Variants in KIAA2012 observed in about 807,000 individuals in gnomAD.
KIAA2012 encodes KIAA2012.
A neutral mutation model predicts 150.6 loss-of-function variants in KIAA2012; 125 were observed. That is an observed-to-expected ratio of 0.83 (90% CI 0.72 to 0.96). The LOEUF (loss-of-function observed/expected upper bound fraction) is 0.96, where lower values mean the gene tolerates loss of function less well. Ranked by LOEUF, KIAA2012 falls within the 40% of genes least tolerant of loss-of-function variation. The pLI, the probability that KIAA2012 is intolerant of heterozygous loss-of-function variation, is 0.00. For missense variants in KIAA2012, 1,219 were observed against 1,354.9 expected (o/e 0.90, Z 1.57); for synonymous variants, 462 against 504.7 (o/e 0.92, Z 1.13).
chr2:202,082,156 T>A (rs1689464626), intron 2 of KIAA2012, among the ~76,000 whole-genome samples: 1 of 152,164 alleles, frequency 6.6e-6, no homozygotes, highest in African/African-American at 2.4e-5. Context: ...TTTGCCCATT[T>A]TTTAAGTGGG....
chr2:202,159,736 G>C, intron 14 of KIAA2012, among the ~76,000 whole-genome samples: 1 of 152,168 alleles, frequency 6.6e-6, no homozygotes, highest in East Asian at 1.9e-4. Flanking sequence ...CAGCTACTCA[G>C]GGGGCTGAGA....
At chr2:202,202,182 T>C (rs1220721859) in intron 22 of KIAA2012, among the ~76,000 whole-genome samples, 3 of 152,196 alleles carry the variant, frequency 2.0e-5, no homozygotes, top group Non-Finnish European at 1.5e-5. Context: ...GAGGGAGTCC[T>C]TTCCAGCAGT....
chr2:202,204,049 G>A (rs896969216), intron 23 of KIAA2012, among the ~76,000 whole-genome samples: 1 of 150,830 alleles, frequency 6.6e-6, no homozygotes, highest in Non-Finnish European at 1.5e-5. Flanking sequence ...GATTACAGGC[G>A]TGAGCCACCG....
chr2:202,197,176 G>A, intron 22 of KIAA2012, 157 bp downstream of exon 22: 2 of 1,142,714 alleles, frequency 1.8e-6, no homozygotes, highest in Non-Finnish European at 2.4e-6. Context: ...TTCTTTTGCT[G>A]CAAATGTCAA....
intron 11 of KIAA2012, among the ~76,000 whole-genome samples, chr2:202,120,320 G>A (rs920209307): frequency 6.6e-6 from 1 of 152,176 alleles, no homozygotes; most frequent in Non-Finnish European, 1.5e-5. Flanking sequence ...AGGCTGCAGT[G>A]AGCCATGATT....
intron 7 of KIAA2012, among the ~76,000 whole-genome samples, chr2:202,102,660 T>C (rs931839089): frequency 6.6e-6 from 1 of 152,194 alleles, no homozygotes. Flanking sequence ...GCTCAGTCTT[T>C]CCAGCTGCAA....
intron 23 of KIAA2012, among the ~76,000 whole-genome samples, chr2:202,204,760 A>G (rs1487211485): frequency 2.3e-4 from 2 of 8,660 alleles, no homozygotes; most frequent in East Asian, 0.021. Context: ...GAAATAAAAC[A>G]GTCAAACACT....
intron 23 of KIAA2012, among the ~76,000 whole-genome samples, chr2:202,202,790 C>T (rs978055872): frequency 2.6e-5 from 4 of 151,898 alleles, no homozygotes; most frequent in Non-Finnish European, 5.9e-5. Context: ...ATTAGCCAGG[C>T]ATGGTGGGGT....
chr2:202,156,540 A>G (rs1574296421), intron 14 of KIAA2012, among the ~76,000 whole-genome samples: 1 of 152,186 alleles, frequency 6.6e-6, no homozygotes, highest in Admixed American at 6.5e-5. Context: ...CAGGTAACAG[A>G]CAACAGACCT....
intron 11 of KIAA2012, among the ~76,000 whole-genome samples, chr2:202,123,267 T>G (rs1690699819): frequency 6.6e-6 from 1 of 152,210 alleles, no homozygotes; most frequent in Non-Finnish European, 1.5e-5. Flanking sequence ...TGACTGTTTT[T>G]TAGCCTCCTT....
intron 15 of KIAA2012, among the ~76,000 whole-genome samples, chr2:202,175,483 T>A (rs1691973749): frequency 6.6e-6 from 1 of 152,230 alleles, no homozygotes; most frequent in African/African-American, 2.4e-5. Flanking sequence ...AGGTTGGGCC[T>A]CTGGGAGGTG....
At chr2:202,091,839 T>C (rs1305591037) in intron 3 of KIAA2012, among the ~76,000 whole-genome samples, 1 of 152,212 alleles carries the variant, frequency 6.6e-6, no homozygotes, top group Non-Finnish European at 1.5e-5. Flanking sequence ...ACTTTCTTCC[T>C]GCTTTATAGG....
rs758081464 is a variant in KIAA2012 at position 202,193,353 on chromosome 2, C to T, written c.2864C>T (p.Ala955Val). 18 of 1,549,814 alleles carry T rather than the reference C, an allele frequency of 1.2e-5. No homozygotes were observed. Among genetic ancestry groups the T allele is most frequent in the Non-Finnish European group, 1.5e-5 (17 of 1,146,786 alleles). Residue 955 changes from alanine to valine, a missense_variant, in exon 20 of 24, where the codon GCA (alanine) becomes GTA (valine). By Grantham distance (64) the Ala-to-Val change is moderately conservative. Coordinates refer to ENST00000498697, the MANE Select transcript of KIAA2012 (RefSeq NM_001277372.4). ...QEKASWDRLR[A>V]ERAEMRWLEV... ...AAGGCTTCCTGGGACAGGCTTCGAGCAGAAAGAGCCGAGATGAGGTGGCTG... is the reference window on the plus strand; with the variant it reads ...AAGGCTTCCTGGGACAGGCTTCGAGTAGAAAGAGCCGAGATGAGGTGGCTG...
intron 12 of KIAA2012, among the ~76,000 whole-genome samples, chr2:202,128,740 T>G (rs1365197250): frequency 3.3e-5 from 5 of 151,158 alleles, no homozygotes; most frequent in East Asian, 1.9e-4. Flanking sequence ...TCAGGTTGAC[T>G]TGGAAACTTA....
intron 14 of KIAA2012, among the ~76,000 whole-genome samples, chr2:202,156,808 C>G (rs532211597): frequency 3.9e-5 from 6 of 152,064 alleles, no homozygotes; most frequent in Non-Finnish European, 7.4e-5. Context: ...TGGCATGAAC[C>G]CGGGAGGTGG....
In KIAA2012 at chr2:202,184,254, C is replaced by T. The variant is rs1692180329; in HGVS notation, c.2120-499C>T. 2.6e-5 allele frequency among the ~76,000 whole-genome samples: 4 copies of T among 151,848 alleles called. No homozygotes were observed. In the South Asian group the frequency reaches 8.3e-4, roughly 32 times the overall value. ...CAAAAATTAGTCGGGTGTGGTGGCA[C>T]ACACCTGCAGTTCCAGCTACTCGGG... On this transcript the variant is annotated intron_variant, in intron 15 of 23. Transcript: ENST00000498697.
chr2:202,194,109 A>G, intron 20 of KIAA2012, 81 bp from the exon 21 acceptor site: 1 of 1,461,968 alleles, frequency 6.8e-7, no homozygotes, highest in East Asian at 2.5e-5. Context: ...AGCCTCCCCC[A>G]TGGGCACTGT....
chr2:202,197,791 G>A (rs1692439655), intron 22 of KIAA2012: 1 of 150,816 alleles, frequency 6.6e-6, no homozygotes. Context: ...TTGAACCTGG[G>A]AGGTCAAAGC....
intron 7 of KIAA2012, 95 bp from the exon 8 acceptor site, chr2:202,102,851 T>C (rs1690083078): frequency 2.5e-6 from 3 of 1,200,866 alleles, no homozygotes; most frequent in Non-Finnish European, 3.5e-6. Context: ...CAGCTCCTGG[T>C]GCAAGAGATA....
Sources: gnomAD v4.1 joint callset for allele counts (sites outside exome capture counted in the v4.1 genomes callset) on GRCh38, gnomAD v4.1.1 for gene constraint, MANE v1.5 for transcripts, NCBI Gene and HGNC (gene_info 2026-07-23, HGNC 2026-07-21) for gene names.